ADGRL2: variants seen among roughly 807,000 people sequenced by gnomAD.
ADGRL2 encodes the protein adhesion G protein-coupled receptor L2, also known as calcium-independent alpha-latrotoxin receptor 2.
Under a neutral mutation model 157.4 loss-of-function variants are expected in ADGRL2, and 44 were observed. The observed-to-expected ratio is 0.28, with a 90% CI of 0.22 to 0.36. The LOEUF (loss-of-function observed/expected upper bound fraction) is 0.36, where lower values mean the gene tolerates loss of function less well. Among genes scored for constraint, ADGRL2 ranks in the 10% least tolerant of loss-of-function variants. The probability of loss-of-function intolerance (pLI) is 1.00; values close to 1 mark genes in which losing one functional copy is unlikely to be tolerated. For missense variants in ADGRL2, 1,510 were observed against 1,768.9 expected (o/e 0.85, Z 2.63); for synonymous variants, 585 against 624.7 (o/e 0.94, Z 0.95).
chr1:81,624,057 A>C (rs1227162586), intron 3 of ADGRL2, among the ~76,000 whole-genome samples: 1 of 152,142 alleles, frequency 6.6e-6, no homozygotes, highest in Non-Finnish European at 1.5e-5. Flanking sequence ...TAAGCCCAGG[A>C]GTAGCGAAGA....
intron 3 of ADGRL2, among the ~76,000 whole-genome samples, chr1:81,632,740 C>T: frequency 6.9e-6 from 1 of 144,296 alleles, no homozygotes; most frequent in East Asian, 2.1e-4. Flanking sequence ...GCCTGGGCAA[C>T]AGAGACTCCG....
intron 2 of ADGRL2, among the ~76,000 whole-genome samples, chr1:81,576,854 T>A (rs1324369): frequency 0.11 from 16,331 of 152,132 alleles, 1,690 homozygotes; most frequent in East Asian, 0.32. Context: ...TTATGATAAG[T>A]TTTTCTTTAA....
rs547279642 is a variant in ADGRL2, at chr1:81,570,622, C to T, written c.-247-10254C>T. On this transcript the variant is annotated intron_variant, in intron 2 of 24. Coordinates refer to the ADGRL2 transcript ENST00000370721. Reference sequence around the variant, plus strand: ...CAGGTTGGTCTCGAACTCCTGACCTCGGGTGATCTTCCTGCTTCGGCCTCC... The same window carrying T: ...CAGGTTGGTCTCGAACTCCTGACCTTGGGTGATCTTCCTGCTTCGGCCTCC... 2.6e-3 allele frequency among the ~76,000 whole-genome samples: 397 copies of T among 152,226 alleles called. 3 individuals are homozygous for T. The highest frequency in any genetic ancestry group is 0.023 in the Admixed American group (349 of 15,292).
At chr1:81,989,167 A>G (rs1183563576) in intron 23 of ADGRL2, among the ~76,000 whole-genome samples, 3 of 151,936 alleles carry the variant, frequency 2.0e-5, no homozygotes, top group African/African-American at 7.3e-5. Flanking sequence ...ACCATGTTTT[A>G]TTTCCCCCTC....
chr1:81,890,066 C>T (rs914055903), intron 2 of ADGRL2, among the ~76,000 whole-genome samples: 7 of 152,234 alleles, frequency 4.6e-5, no homozygotes, highest in East Asian at 3.9e-4. Context: ...ATAATTTATA[C>T]GAGCACTAAC....
chr1:81,816,264 A>G (rs1427302451), intron 1 of ADGRL2, among the ~76,000 whole-genome samples: 1 of 151,836 alleles, frequency 6.6e-6, no homozygotes, highest in Non-Finnish European at 1.5e-5. Context: ...AGTTTTTCCT[A>G]TTTATAAAGA....
chr1:81,576,015 A>T (rs1164416479), intron 2 of ADGRL2, among the ~76,000 whole-genome samples: 1 of 152,150 alleles, frequency 6.6e-6, no homozygotes, highest in Non-Finnish European at 1.5e-5. Context: ...TCTTCAACAG[A>T]TGAAATAGTA....
intron 2 of ADGRL2, among the ~76,000 whole-genome samples, chr1:81,458,641 G>A (rs1353625145): frequency 6.6e-6 from 1 of 152,204 alleles, no homozygotes; most frequent in Non-Finnish European, 1.5e-5. Context: ...TCAGCCCATG[G>A]CTGAACAGGG....
At chr1:81,877,983 G>A (rs1038352400) in intron 2 of ADGRL2, among the ~76,000 whole-genome samples, 2 of 152,070 alleles carry the variant, frequency 1.3e-5, no homozygotes, top group South Asian at 2.1e-4. Flanking sequence ...GGCTGGCAAT[G>A]TTTATTATAA....
chr1:81,959,221 G>T (rs114118563), intron 11 of ADGRL2, among the ~76,000 whole-genome samples: 3,927 of 152,068 alleles, frequency 0.026, 83 homozygotes, highest in Middle Eastern at 0.044. Flanking sequence ...ATCTCATTGT[G>T]GATTTATCTT....
At chr1:81,312,338 A>C (rs1179948514) in intron 1 of ADGRL2, among the ~76,000 whole-genome samples, 1 of 152,206 alleles carries the variant, frequency 6.6e-6, no homozygotes, top group African/African-American at 2.4e-5. Context: ...GTTTCAGGGC[A>C]GCTTCCAAGT....
chr1:81,732,769 A>G (rs1323221418), intron 1 of ADGRL2, among the ~76,000 whole-genome samples: 2 of 152,206 alleles, frequency 1.3e-5, no homozygotes, highest in African/African-American at 4.8e-5. Context: ...TCTTCAAATC[A>G]CAATGGCTAT....
At chr1:81,439,889 C>A (rs2077475808) in intron 1 of ADGRL2, among the ~76,000 whole-genome samples, 1 of 152,206 alleles carries the variant, frequency 6.6e-6, no homozygotes, top group African/African-American at 2.4e-5. Flanking sequence ...GTCACATAAA[C>A]AGTTGAAGGA....
At chr1:81,658,839 C>T (rs190015812) in intron 3 of ADGRL2, among the ~76,000 whole-genome samples, 27 of 152,076 alleles carry the variant, frequency 1.8e-4, no homozygotes, top group African/African-American at 6.5e-4. Flanking sequence ...GCAACCTCTG[C>T]CTCCCGGGTT....
chr1:81,307,239 A>G (rs971921236), intron 1 of ADGRL2, among the ~76,000 whole-genome samples: 2 of 152,242 alleles, frequency 1.3e-5, no homozygotes, highest in Non-Finnish European at 2.9e-5. Context: ...GAATGATTTC[A>G]ATAGCCAAAT....
At chr1:81,411,519 A>G (rs2076944554) in intron 1 of ADGRL2, among the ~76,000 whole-genome samples, 1 of 152,192 alleles carries the variant, frequency 6.6e-6, no homozygotes, top group Non-Finnish European at 1.5e-5. Flanking sequence ...CAAAGTTAGA[A>G]GGTAGCAAAG....
intron 2 of ADGRL2, among the ~76,000 whole-genome samples, chr1:81,793,160 A>T (rs1571242951): frequency 6.6e-6 from 1 of 152,130 alleles, no homozygotes; most frequent in Non-Finnish European, 1.5e-5. Flanking sequence ...CTCCACTGAA[A>T]TTCAATTGGT....
chr1:81,476,813 T>A (rs2078281442), intron 2 of ADGRL2, among the ~76,000 whole-genome samples: 1 of 152,228 alleles, frequency 6.6e-6, no homozygotes. Context: ...TCTCCTTCAT[T>A]GACTATAGAT....
intron 1 of ADGRL2, among the ~76,000 whole-genome samples, chr1:81,346,170 G>A (rs1662465694): frequency 6.6e-6 from 1 of 152,070 alleles, no homozygotes; most frequent in Non-Finnish European, 1.5e-5. Flanking sequence ...GAAAGAGGTG[G>A]AGACACTCAC....
Sources: gnomAD v4.1 joint callset for allele counts (sites outside exome capture counted in the v4.1 genomes callset) on GRCh38, gnomAD v4.1.1 for gene constraint, MANE v1.5 for transcripts, NCBI Gene and HGNC (gene_info 2026-07-23, HGNC 2026-07-21) for gene names.